The following AKT3 variants were observed in gnomAD, a reference collection of about 807,000 sequenced individuals.
AKT3 encodes the protein RAC-gamma serine/threonine-protein kinase.
Under a neutral mutation model 65.3 loss-of-function variants are expected in AKT3, and 15 were observed. The ratio of observed to expected loss-of-function variants is 0.23; its 90% CI spans 0.15 to 0.35. The LOEUF is 0.35. Among genes scored for constraint, AKT3 ranks in the 10% least tolerant of loss-of-function variants. The probability of loss-of-function intolerance (pLI) is 1.00; values close to 1 mark genes in which losing one functional copy is unlikely to be tolerated. For missense variants in AKT3, 243 were observed against 576.5 expected (o/e 0.42, Z 5.92); for synonymous variants, 206 against 183.8 (o/e 1.12, Z -0.98).
In AKT3 at chr1:243,559,596, C is replaced by T. The variant is rs1349076979; in HGVS notation, c.948+4124G>A. On this transcript the variant is annotated intron_variant, in intron 10 of 13. Coordinates refer to ENST00000673466, the MANE Select transcript of AKT3 (RefSeq NM_005465.7). ...GGACATTTAATAAACTGGCTTTAAA[C>T]TGATTTCTAACACTCTTTGTGAAGT... Among the ~76,000 whole-genome samples the T allele has an allele frequency of 2.0e-5, 3 of 152,126 alleles. No individual in the cohort carries two copies. In the East Asian group the frequency reaches 5.8e-4, roughly 29 times the overall value.
chr1:243,683,362 T>G (rs1446506717), intron 3 of AKT3, among the ~76,000 whole-genome samples: 1 of 152,078 alleles, frequency 6.6e-6, no homozygotes, highest in African/African-American at 2.4e-5. Context: ...TCCTAAATAT[T>G]CATTACAATT....
intron 6 of AKT3, 55 bp downstream of exon 6, chr1:243,637,556 A>C (rs889428781): frequency 2.1e-6 from 3 of 1,449,852 alleles, no homozygotes; most frequent in South Asian, 1.5e-5. Flanking sequence ...TGAGCCCACA[A>C]ACACATGCAC....
chr1:243,591,881 A>G (rs977672967), intron 8 of AKT3, among the ~76,000 whole-genome samples: 1 of 152,228 alleles, frequency 6.6e-6, no homozygotes, highest in Non-Finnish European at 1.5e-5. Context: ...AGAAGAGAAC[A>G]TTAGTAAACA....
Position 243,613,583 on chromosome 1 carries a change from C to G in AKT3, c.696+88G>C, listed in dbSNP as rs1678060944. ...TAAATTCCTATCAAGAAATGGAGAA[C>G]TGCTATATTGTAACTTGTATTTTAA... On this transcript the variant is annotated intron_variant, in intron 8 of 13. Transcript: ENST00000673466. 3.0e-6 allele frequency: 3 copies of G among 991,036 alleles called. 1 individual carries two copies. Among genetic ancestry groups the G allele is most frequent in the Non-Finnish European group, 1.5e-6 (1 of 686,314 alleles). The allele number at this position is 991,036 out of a possible 1,614,324, so 61.4% of individuals were successfully genotyped here.
At chr1:243,817,680 C>CA (rs780805548) in intron 2 of AKT3, among the ~76,000 whole-genome samples, 6 of 152,178 alleles carry the variant, frequency 3.9e-5, no homozygotes, top group Non-Finnish European at 7.3e-5. Context: ...GCAGAGGTTG[C>CA]AGTGAGCCAA....
intron 13 of AKT3, chr1:243,489,175 T>A (rs1665758052): frequency 4.4e-6 from 7 of 1,607,202 alleles, no homozygotes; most frequent in Non-Finnish European, 5.9e-6. Flanking sequence ...TGGGAGTCCT[T>A]GGGCGGGCGT....
rs1672609242 is a variant in AKT3, at chr1:243,545,610, A to G, written c.1164-13T>C. The stretch of plus-strand genomic sequence containing the variant: ...TCCTCCACCAAGGCTATGAGAACAG[A>G]AATAAAATTAAGTAAGTATAAAACA... On this transcript the variant is annotated splice_polypyrimidine_tract_variant and intron_variant, in intron 11 of 13. Transcript: ENST00000673466. 1 of 1,568,452 alleles carries G rather than the reference A, an allele frequency of 6.4e-7. No individual in the cohort carries two copies. The highest frequency in any genetic ancestry group is 8.8e-7 in the Non-Finnish European group (1 of 1,141,276).
intron 6 of AKT3, among the ~76,000 whole-genome samples, chr1:243,635,461 A>C (rs962098991): frequency 1.3e-5 from 2 of 151,996 alleles, no homozygotes; most frequent in African/African-American, 4.8e-5. Context: ...AAAAGTCAAC[A>C]AAGCCAAAAG....
rs1673165151 is a variant in AKT3 at position 243,552,711 on chromosome 1, G to C, written c.1163+18C>G. 1 of 1,598,262 alleles carries C rather than the reference G, an allele frequency of 6.3e-7. No individual in the cohort carries two copies. Among genetic ancestry groups the C allele is most frequent in the Admixed American group, 1.7e-5 (1 of 59,942 alleles). ...ACCACATTCATCAGTAATTCACTAA[G>C]CGTTATTTGAGGCTTACCGTTTATT... is the stretch of plus-strand genomic sequence containing the variant. On this transcript the variant is annotated intron_variant, in intron 11 of 13. Transcript: ENST00000673466.
intron 12 of AKT3, among the ~76,000 whole-genome samples, chr1:243,533,850 C>A (rs550638803): frequency 6.6e-6 from 1 of 151,976 alleles, no homozygotes; most frequent in Non-Finnish European, 1.5e-5. Flanking sequence ...ATTAGCCGGG[C>A]GTGGTGGTGG....
At chr1:243,792,066 CA>C (rs1184862176) in intron 2 of AKT3, among the ~76,000 whole-genome samples, 1 of 151,698 alleles carries the variant, frequency 6.6e-6, no homozygotes, top group East Asian at 1.9e-4. Flanking sequence ...ATCTAGGGGT[CA>C]AGGACAGTCT....
chr1:243,571,506 A>C (rs1674561623), intron 9 of AKT3, among the ~76,000 whole-genome samples: 4 of 152,170 alleles, frequency 2.6e-5, no homozygotes, highest in Admixed American at 2.6e-4. Flanking sequence ...CAAAATTGTT[A>C]TAATTTCCTT....
chr1:243,677,113 T>A (rs899165871), intron 3 of AKT3, among the ~76,000 whole-genome samples: 12 of 152,244 alleles, frequency 7.9e-5, no homozygotes, highest in African/African-American at 2.9e-4. Flanking sequence ...AATAAACATG[T>A]CTCTTCACTG....
In AKT3 at chr1:243,541,052, A is replaced by G. The variant is rs1296302888; in HGVS notation, c.1251+4458T>C. ...TCTCCACTGTAAAGTTAGTCATTTT[A>G]CCTTTGTAAATGATAAATGTTCACA... On this transcript the variant is annotated intron_variant, in intron 12 of 13. Transcript: ENST00000673466. Among the ~76,000 whole-genome samples, 8 of 152,166 alleles carry G rather than the reference A, an allele frequency of 5.3e-5. No individual in the cohort carries two copies. The East Asian group carries it at 1.5e-3, about 29-fold the overall frequency.
In AKT3 at chr1:243,555,236, A is replaced by G. The variant is rs535420863; in HGVS notation, c.949-2293T>C. 3.9e-5 allele frequency among the ~76,000 whole-genome samples: 6 copies of G among 152,302 alleles called. No homozygotes were observed. The South Asian group carries it at 1.2e-3, about 32-fold the overall frequency. On this transcript the variant is annotated intron_variant, in intron 10 of 13. Transcript: ENST00000673466. ...ATGCTGAGAAGAAAACACCCTAACAACTAAAATCCCTCTTTACCTAAGAGA... is the reference window on the plus strand; with the variant it reads ...ATGCTGAGAAGAAAACACCCTAACAGCTAAAATCCCTCTTTACCTAAGAGA...
chr1:243,621,944 A>C (rs1338344401), intron 6 of AKT3, among the ~76,000 whole-genome samples: 1 of 152,184 alleles, frequency 6.6e-6, no homozygotes, highest in Non-Finnish European at 1.5e-5. Context: ...ATCATCAATT[A>C]TCTAGATTAC....
chr1:243,626,252 G>A (rs986172986), intron 6 of AKT3, among the ~76,000 whole-genome samples: 3 of 152,138 alleles, frequency 2.0e-5, no homozygotes, highest in Non-Finnish European at 4.4e-5. Flanking sequence ...AAGTGAATGG[G>A]TAACACAAAA....
intron 2 of AKT3, among the ~76,000 whole-genome samples, chr1:243,805,513 C>G (rs1692669572): frequency 6.6e-6 from 1 of 152,196 alleles, no homozygotes; most frequent in East Asian, 1.9e-4. Context: ...TGGTTTAAAT[C>G]TGGTATTTAA....
At chr1:243,551,022 A>G (rs954555223) in intron 11 of AKT3, among the ~76,000 whole-genome samples, 1 of 151,152 alleles carries the variant, frequency 6.6e-6, no homozygotes, top group African/African-American at 2.4e-5. Flanking sequence ...GTTACCTATC[A>G]TCGGGTGCTG....
Sources: allele counts gnomAD v4.1 joint callset (sites outside exome capture counted in the v4.1 genomes callset), GRCh38; gene constraint gnomAD v4.1.1; transcripts MANE v1.5; gene names NCBI Gene and HGNC (gene_info 2026-07-23, HGNC 2026-07-21).